MBNL3: variants seen among roughly 807,000 people sequenced by gnomAD.
MBNL3 encodes the protein muscleblind like splicing regulator 3.
MBNL3 carries 6 observed loss-of-function variants against 24.5 expected under a neutral mutation model. The observed-to-expected ratio is 0.25, with a 90% CI of 0.13 to 0.48. The LOEUF is 0.48. Among genes scored for constraint, MBNL3 ranks in the 20% least tolerant of loss-of-function variants. The probability of loss-of-function intolerance (pLI) is 0.99; values close to 1 mark genes in which losing one functional copy is unlikely to be tolerated. For missense variants in MBNL3, 230 were observed against 293.5 expected (o/e 0.78, Z 1.58); for synonymous variants, 100 against 101.7 (o/e 0.98, Z 0.10).
intron 1 of MBNL3, among the ~76,000 whole-genome samples, chrX:132,443,604 A>G (rs562269290): frequency 9.0e-6 from 1 of 111,707 alleles, no homozygotes; most frequent in African/African-American, 3.3e-5. Context: ...GCTCATTTAA[A>G]TAGAGAAGTA....
chrX:132,442,042 A>G (rs182238836), intron 1 of MBNL3, among the ~76,000 whole-genome samples: 25 of 111,932 alleles, frequency 2.2e-4, no homozygotes, highest in African/African-American at 7.5e-4. Context: ...CGTTCAGAGT[A>G]GCCAAATCTA....
At chrX:132,442,685 A>C (rs186856913) in intron 1 of MBNL3, among the ~76,000 whole-genome samples, 1 of 112,979 alleles carries the variant, frequency 8.9e-6, no homozygotes, top group Non-Finnish European at 1.9e-5. Context: ...ACAAATGAAA[A>C]CTGCAAAAAA....
intron 3 of MBNL3, among the ~76,000 whole-genome samples, chrX:132,394,577 A>C (rs1244879350): frequency 8.9e-6 from 1 of 112,127 alleles, no homozygotes. Flanking sequence ...CTTGCCTTTT[A>C]CAAAAATGAG....
intron 1 of MBNL3, among the ~76,000 whole-genome samples, chrX:132,483,655 T>C (rs1947856996): frequency 8.9e-6 from 1 of 112,224 alleles, no homozygotes; most frequent in Non-Finnish European, 1.9e-5. Flanking sequence ...GTTTGGTTAC[T>C]TTGTACTGCC....
chrX:132,444,639 G>C (rs1184828739), intron 1 of MBNL3, among the ~76,000 whole-genome samples: 6 of 111,371 alleles, frequency 5.4e-5, no homozygotes, highest in Non-Finnish European at 1.1e-4. Flanking sequence ...CCTTTCATAA[G>C]TATTCTTCCA....
At chrX:132,411,135 C>T in intron 2 of MBNL3, 1 of 753,080 alleles carries the variant, frequency 1.3e-6, no homozygotes, top group Non-Finnish European at 1.6e-6. Flanking sequence ...ACGTTGACCC[C>T]CATGGAGAGG....
chrX:132,379,340 T>G lies in MBNL3; in HGVS notation c.*326A>C. The stretch of plus-strand genomic sequence containing the variant: ...TGTATATAGTAAGCCAAAAGCTCAC[T>G]GTGGAAATACACTTAGCATGGTTAT... On this transcript the variant is annotated 3_prime_UTR_variant, in exon 9 of 9. Coordinates refer to ENST00000370853, the MANE Select transcript of MBNL3 (RefSeq NM_001386889.1). 1 of 206,646 alleles carries G rather than the reference T, an allele frequency of 4.8e-6. No homozygotes were observed. The highest frequency in any genetic ancestry group is 9.6e-5 in the East Asian group (1 of 10,429). 17.0% of individuals were successfully genotyped at this position (206,646 alleles called of 1,213,427 possible).
chrX:132,381,102 T>G (rs1934850077), intron 8 of MBNL3, among the ~76,000 whole-genome samples: 1 of 112,099 alleles, frequency 8.9e-6, no homozygotes, highest in African/African-American at 3.2e-5. Context: ...TATATATTCC[T>G]TTAATAATAG....
chrX:132,467,751 T>C (rs1946966290), intron 1 of MBNL3, among the ~76,000 whole-genome samples: 2 of 111,876 alleles, frequency 1.8e-5, no homozygotes, highest in Non-Finnish European at 3.8e-5. Context: ...CCAAACTAGC[T>C]CCATCGCTCT....
At chrX:132,488,416 C>T (rs1297412391) in intron 1 of MBNL3, among the ~76,000 whole-genome samples, 2 of 111,581 alleles carry the variant, frequency 1.8e-5, no homozygotes, top group Non-Finnish European at 3.8e-5. Context: ...AATCTACTCT[C>T]ATGCCCTTCA....
At chrX:132,395,011 T>C (rs1569422037) in intron 3 of MBNL3, among the ~76,000 whole-genome samples, 1 of 112,199 alleles carries the variant, frequency 8.9e-6, no homozygotes, top group Admixed American at 9.5e-5. Context: ...CTAGCTCTTA[T>C]AACTATTTCC....
At chrX:132,387,913 G>A (rs770749670) in intron 5 of MBNL3, among the ~76,000 whole-genome samples, 1 of 111,505 alleles carries the variant, frequency 9.0e-6, no homozygotes, top group Non-Finnish European at 1.9e-5. Context: ...ATAATACTCC[G>A]TGAAACTTGC....
Position 132,406,379 on chromosome X carries a change from C to A in MBNL3, c.191G>T (p.Arg64Leu), listed in dbSNP as rs1941827861. 5.9e-6 allele frequency: 7 copies of A among 1,194,153 alleles called. No individual in the cohort carries two copies. The highest frequency in any genetic ancestry group is 7.9e-6 in the Non-Finnish European group (7 of 885,572). Residue 64 changes from arginine to leucine, a missense_variant, in exon 3 of 9, where the codon CGA (arginine) becomes CTA (leucine). Coordinates refer to ENST00000370853, the MANE Select transcript of MBNL3 (RefSeq NM_001386889.1). ...AGGGTGAAGGTACTTGCAGTTCTCTCGGGTACACCGACCCTGACAATGAAG... is the reference window on the plus strand; with the variant it reads ...AGGGTGAAGGTACTTGCAGTTCTCTAGGGTACACCGACCCTGACAATGAAG... ...CFDSLKGRCT[R>L]ENCKYLHPPP...
At chrX:132,395,848 G>C (rs967714757) in intron 3 of MBNL3, among the ~76,000 whole-genome samples, 16 of 110,987 alleles carry the variant, frequency 1.4e-4, no homozygotes, top group Admixed American at 1.3e-3. Context: ...ATCTCAGCAA[G>C]TTCAAGGACC....
At chrX:132,402,460 G>A (rs1412927438) in intron 3 of MBNL3, among the ~76,000 whole-genome samples, 1 of 111,810 alleles carries the variant, frequency 8.9e-6, no homozygotes, top group African/African-American at 3.3e-5. Flanking sequence ...CTTTGCTTCA[G>A]GGTAATCCAC....
chrX:132,474,893 G>A (rs1277759068), intron 1 of MBNL3, among the ~76,000 whole-genome samples: 1 of 110,894 alleles, frequency 9.0e-6, no homozygotes, highest in Non-Finnish European at 1.9e-5. Flanking sequence ...CAGCTTCTTG[G>A]CTCTCAAAAA....
At chrX:132,382,815 T>C (rs1935262031) in intron 7 of MBNL3, among the ~76,000 whole-genome samples, 1 of 111,921 alleles carries the variant, frequency 8.9e-6, no homozygotes. Context: ...AAAGACATGG[T>C]AGGTAGACTG....
At position 132,411,325 on chromosome X, in the gene MBNL3, C is replaced by T. The variant is rs774153137; in HGVS notation, c.178-4933G>A. Reference sequence around the variant, plus strand: ...GGTGAGAGCAGAAGAATTTTCTTGCCTATCTGTCTCCAGAGAACTTTTACA... The same window carrying T: ...GGTGAGAGCAGAAGAATTTTCTTGCTTATCTGTCTCCAGAGAACTTTTACA... On this transcript the variant is annotated intron_variant, in intron 2 of 8. Transcript: ENST00000370853. 1.1e-5 allele frequency: 8 copies of T among 752,272 alleles called. No homozygotes were observed. The African/African-American group carries it at 1.6e-4, about 15-fold the overall frequency. 62.0% of individuals were successfully genotyped at this position (752,272 alleles called of 1,213,427 possible).
At position 132,374,985 on chromosome X, in the gene MBNL3, C is replaced by CA. The variant is rs952944966; in HGVS notation, c.*4680dup. Reference sequence around the variant, plus strand: ...AAATACTGTGGAATAACCCTATCCACACAACAAATTCTATAAACTATAAAG... The same window carrying CA: ...AAATACTGTGGAATAACCCTATCCACAACAACAAATTCTATAAACTATAAAG... On this transcript the variant is annotated 3_prime_UTR_variant, in exon 9 of 9. Coordinates refer to ENST00000370853, the MANE Select transcript of MBNL3 (RefSeq NM_001386889.1). 1 of 111,751 alleles carries CA rather than the reference C, an allele frequency of 8.9e-6. No individual in the cohort carries two copies. The highest frequency in any genetic ancestry group is 3.2e-5 in the African/African-American group (1 of 30,848). 9.2% of individuals were successfully genotyped at this position (111,751 alleles called of 1,213,427 possible).
Sources: gnomAD v4.1 joint callset for allele counts (sites outside exome capture counted in the v4.1 genomes callset) on GRCh38, gnomAD v4.1.1 for gene constraint, MANE v1.5 for transcripts, NCBI Gene and HGNC (gene_info 2026-07-23, HGNC 2026-07-21) for gene names.